Variants in DNAAF1 observed in about 807,000 individuals in gnomAD.
DNAAF1 encodes the protein dynein axonemal assembly factor 1, also known as dynein assembly factor 1, axonemal.
A neutral mutation model predicts 71.1 loss-of-function variants in DNAAF1; 65 were observed. That is an observed-to-expected ratio of 0.91 (90% CI 0.75 to 1.12). DNAAF1 has a LOEUF of 1.12. Among genes scored for constraint, DNAAF1 ranks in the 50% most tolerant of loss-of-function variants. DNAAF1 has a pLI of 0.00. For synonymous variants in DNAAF1, 414 were observed against 354.6 expected (o/e 1.17, Z -1.88); for missense variants, 1,178 against 899.8 (o/e 1.31, Z -3.96).
intron 7 of DNAAF1, among the ~76,000 whole-genome samples, chr16:84,168,941 G>A (rs1345570893): frequency 6.6e-6 from 1 of 151,672 alleles, no homozygotes; most frequent in Non-Finnish European, 1.5e-5. Context: ...CATCTCCTAA[G>A]AACTGCCTGC....
intron 7 of DNAAF1, among the ~76,000 whole-genome samples, chr16:84,168,796 G>T (rs1439961676): frequency 6.8e-6 from 1 of 147,266 alleles, no homozygotes; most frequent in Non-Finnish European, 1.5e-5. Context: ...AGATTCTGTG[G>T]TTTTTCATAA....
intron 9 of DNAAF1, chr16:84,173,202 G>A (rs992632681): frequency 4.4e-5 from 43 of 984,490 alleles, no homozygotes; most frequent in South Asian, 9.4e-5. Flanking sequence ...GGTGGCTTAC[G>A]CCTGTAATCC....
intron 7 of DNAAF1, among the ~76,000 whole-genome samples, chr16:84,167,946 G>A (rs7195510): frequency 6.6e-6 from 1 of 151,960 alleles, no homozygotes; most frequent in African/African-American, 2.4e-5. Flanking sequence ...GAACCTGGGA[G>A]GCAGAGGTTG....
At chr16:84,156,396 C>T (rs980372670) in intron 5 of DNAAF1, among the ~76,000 whole-genome samples, 5 of 152,188 alleles carry the variant, frequency 3.3e-5, no homozygotes, top group Admixed American at 2.6e-4. Flanking sequence ...AAAATGATAT[C>T]GGAGCCAGAG....
chr16:84,149,470 T>C (rs990527788), intron 2 of DNAAF1, among the ~76,000 whole-genome samples: 1 of 151,894 alleles, frequency 6.6e-6, no homozygotes, highest in African/African-American at 2.4e-5. Context: ...GGTGGGCGAA[T>C]CACAAGGTCA....
chr16:84,154,551 A>C (rs373040086), intron 3 of DNAAF1, 26 bp from the exon 4 acceptor site: 2 of 1,610,290 alleles, frequency 1.2e-6, no homozygotes, highest in African/African-American at 1.3e-5. Context: ...TAGGAGCTTA[A>C]TTCCCACGTG....
Position 84,164,728 on chromosome 16 carries a change from C to T in DNAAF1, c.864-1055C>T, listed in dbSNP as rs533825936. ...TTAGAATAAAACTGCTGTAAACGTC[C>T]ATGTGCAGGTTTGCGTGTGGACATA... On this transcript the variant is annotated intron_variant, in intron 6 of 11. Coordinates refer to ENST00000378553, the MANE Select transcript of DNAAF1 (RefSeq NM_178452.6). Among the ~76,000 whole-genome samples the T allele has an allele frequency of 1.6e-4, 24 of 152,312 alleles. No homozygotes were observed. In the South Asian group the frequency reaches 5.0e-3, roughly 32 times the overall value.
rs138383680 is a variant in DNAAF1 at position 84,150,952 on chromosome 16, G to C, written c.352+610G>C. ...TTCATACCAGAAAGTTAGTTTGTAA[G>C]TACTTTGGGGTTGGGAGGTATATGT... On this transcript the variant is annotated intron_variant, in intron 3 of 11. Coordinates refer to ENST00000378553, the MANE Select transcript of DNAAF1 (RefSeq NM_178452.6). Among the ~76,000 whole-genome samples, 532 of 152,258 alleles carry C rather than the reference G, an allele frequency of 3.5e-3. 11 individuals carry two copies. The highest frequency in any genetic ancestry group is 0.026 in the East Asian group (133 of 5,174).
chr16:84,168,281 A>T (rs922530838), intron 7 of DNAAF1, among the ~76,000 whole-genome samples: 1 of 152,006 alleles, frequency 6.6e-6, no homozygotes, highest in African/African-American at 2.4e-5. Context: ...CTGCCTCCCT[A>T]TTCTGAGGGC....
chr16:84,176,267 G>A lies in DNAAF1; in HGVS notation c.2033G>A (p.Arg678Lys). The A allele has an allele frequency of 6.2e-7, 1 of 1,613,646 alleles. No homozygotes were observed. The highest frequency in any genetic ancestry group is 8.5e-7 in the Non-Finnish European group (1 of 1,180,026). ...GCACCACTCACTTCCAGTGGAGACA[G>A]GGACAGCGACTTCCTTGCAGCCTCT... Reference protein sequence around the residue: ...DAAPLTSSGDRDSDFLAASSP... With the variant: ...DAAPLTSSGDKDSDFLAASSP... The change falls in exon 11 of 12, where the codon AGG (arginine) becomes AAG (lysine). Residue 678 changes from arginine to lysine, a missense_variant. By Grantham distance (26) the Arg-to-Lys change is conservative (BLOSUM62 2). Transcript: ENST00000378553.
At chr16:84,165,378 G>T (rs1038065290) in intron 6 of DNAAF1, among the ~76,000 whole-genome samples, 2 of 152,028 alleles carry the variant, frequency 1.3e-5, no homozygotes, top group Admixed American at 1.3e-4. Flanking sequence ...TAGAGACAGG[G>T]TTTTGCTATG....
At chr16:84,176,860 G>T (rs1211660960) in intron 11 of DNAAF1, 2 of 175,980 alleles carry the variant, frequency 1.1e-5, no homozygotes, top group Non-Finnish European at 2.5e-5. Flanking sequence ...CCTGGCTGCA[G>T]AAGACCCAGA....
rs530486205 is a variant in DNAAF1 at position 84,174,306 on chromosome 16, C to G, written c.1645-363C>G. 1,650 of 1,155,612 alleles carry G rather than the reference C, an allele frequency of 1.4e-3. 1 individual carries two copies. The highest frequency in any genetic ancestry group is 1.7e-3 in the Non-Finnish European group (1,543 of 930,042). The allele number at this position is 1,155,612 out of a possible 1,614,324, so 71.6% of individuals were successfully genotyped here. A position where few individuals can be genotyped will look rare whatever the true frequency, so the allele number is the denominator to read the frequency against. On this transcript the variant is annotated intron_variant, in intron 9 of 11. Coordinates refer to ENST00000378553, the MANE Select transcript of DNAAF1 (RefSeq NM_178452.6). ...GGTACAAAATATATTACTTTTATAC[C>G]ACATAGAGTTTTCGGACTAGTTTGT... is the stretch of plus-strand genomic sequence containing the variant.
rs2087915845 is a variant in DNAAF1 at position 84,165,276 on chromosome 16, A to T, written c.864-507A>T. 2.0e-5 allele frequency among the ~76,000 whole-genome samples: 3 copies of T among 152,178 alleles called. No homozygotes were observed. In the South Asian group the frequency reaches 6.2e-4, roughly 32 times the overall value. On this transcript the variant is annotated intron_variant, in intron 6 of 11. Transcript: ENST00000378553. ...TTTTTATTAATGAGTTGTGAGGCTT[A>T]TTTATATTTTCCAGGTACAAGACCC...
chr16:84,174,163 G>A (rs932415230), intron 9 of DNAAF1: 2 of 1,001,692 alleles, frequency 2.0e-6, no homozygotes, highest in South Asian at 4.2e-5. Flanking sequence ...CGTGGCTCCA[G>A]TTCATGCATC....
chr16:84,156,851 C>CTTTTTTTTTTT (rs778916785), intron 5 of DNAAF1, among the ~76,000 whole-genome samples: 35 of 111,818 alleles, frequency 3.1e-4, no homozygotes, highest in African/African-American at 1.0e-3. Flanking sequence ...TTCTTTCTTT[C>CTTTTTTTTTTT]TTTTTTTTTT....
In DNAAF1 at chr16:84,170,076, C is replaced by A; in HGVS notation, c.1248C>A (p.Leu416=). The A allele has an allele frequency of 6.2e-7, 1 of 1,612,644 alleles. No individual in the cohort carries two copies. The highest frequency in any genetic ancestry group is 8.5e-7 in the Non-Finnish European group (1 of 1,179,484). Residue 416 remains leucine (L), a synonymous_variant, in exon 8 of 12, where the codon CTC becomes CTA. Transcript: ENST00000378553. ...GAGGTCCAGAGCCAGAGGGGACCCT[C>A]CCAGCTGAGACCCTGCTACTGTCGT... ...EDGGPEPEGT[L]PAETLLLSSP...
At chr16:84,174,627 C>T (rs199514761) in intron 9 of DNAAF1, 42 bp from the exon 10 acceptor site, 76 of 1,613,836 alleles carry the variant, frequency 4.7e-5, no homozygotes, top group East Asian at 2.0e-4. Flanking sequence ...GTTGACAGTG[C>T]GTGTACCTCC....
chr16:84,172,225 T>C, intron 8 of DNAAF1, 35 bp from the exon 9 acceptor site: 5 of 1,604,274 alleles, frequency 3.1e-6, no homozygotes, highest in Non-Finnish European at 4.3e-6. Context: ...CTGCCGTGTG[T>C]TAAACTAACT....
Sources: gnomAD v4.1 joint callset for allele counts (sites outside exome capture counted in the v4.1 genomes callset) on GRCh38, gnomAD v4.1.1 for gene constraint, MANE v1.5 for transcripts, NCBI Gene and HGNC (gene_info 2026-07-23, HGNC 2026-07-21) for gene names.